SAMTOR: variants seen among roughly 807,000 people sequenced by gnomAD.
The protein encoded by SAMTOR is S-adenosylmethionine sensor upstream of mTORC1.
chr7:112,883,339 T>G, the SAMTOR span, among the ~76,000 whole-genome samples: 6 of 152,342 alleles, frequency 3.9e-5, no homozygotes, highest in Admixed American at 3.9e-4. Context: ...TTCTTTCACC[T>G]GAGAAGCATG....
At chr7:112,920,902 C>T in the SAMTOR span, among the ~76,000 whole-genome samples, 3 of 151,988 alleles carry the variant, frequency 2.0e-5, no homozygotes, top group Non-Finnish European at 4.4e-5. Context: ...ACATGAAGGA[C>T]CTCTTCAAGG....
At chr7:112,865,687 T>TATTTCATACATACATATA in the SAMTOR span, among the ~76,000 whole-genome samples, 2 of 1,040 alleles carry the variant, frequency 1.9e-3, no homozygotes, top group African/African-American at 0.015. Flanking sequence ...TTCATATATA[T>TATTTCATACATACATATA]TTCATATATA....
chr7:112,820,026 C>G, the SAMTOR span: 1 of 152,304 alleles, frequency 6.6e-6, no homozygotes, highest in Non-Finnish European at 1.5e-5. Context: ...AACAGTCAAT[C>G]CTAAATATTA....
At chr7:112,877,042 G>C in the SAMTOR span, among the ~76,000 whole-genome samples, 2 of 152,230 alleles carry the variant, frequency 1.3e-5, no homozygotes, top group South Asian at 4.1e-4. Flanking sequence ...TTGCATTCAT[G>C]GTCCACTGGA....
the SAMTOR span, among the ~76,000 whole-genome samples, chr7:112,833,014 T>G: frequency 6.6e-6 from 1 of 152,212 alleles, no homozygotes; most frequent in East Asian, 1.9e-4. Flanking sequence ...TGAGCTCAAG[T>G]GATCCTCCAG....
chr7:112,904,007 A>T, the SAMTOR span, among the ~76,000 whole-genome samples: 1 of 152,136 alleles, frequency 6.6e-6, no homozygotes, highest in Non-Finnish European at 1.5e-5. Context: ...CATTCAATTC[A>T]CTTCAATTCC....
At chr7:112,921,586 A>C in the SAMTOR span, among the ~76,000 whole-genome samples, 1 of 147,088 alleles carries the variant, frequency 6.8e-6, no homozygotes, top group African/African-American at 2.5e-5. Flanking sequence ...CAAAAGCCAA[A>C]ATTGACAAAT....
At chr7:112,843,849 C>T in the SAMTOR span, among the ~76,000 whole-genome samples, 35 of 152,018 alleles carry the variant, frequency 2.3e-4, no homozygotes, top group South Asian at 1.5e-3. Context: ...AAAGAAATAT[C>T]CTTGATGAAC....
At chr7:112,918,092 G>A in the SAMTOR span, among the ~76,000 whole-genome samples, 1 of 152,136 alleles carries the variant, frequency 6.6e-6, no homozygotes, top group African/African-American at 2.4e-5. Flanking sequence ...AGGAAATACA[G>A]AGAACGCCAC....
the SAMTOR span, among the ~76,000 whole-genome samples, chr7:112,826,385 A>G: frequency 1.3e-5 from 2 of 152,166 alleles, no homozygotes. Flanking sequence ...TTCTTCATGA[A>G]TAAGCTTTGG....
At chr7:112,860,170 T>C in the SAMTOR span, among the ~76,000 whole-genome samples, 1 of 152,318 alleles carries the variant, frequency 6.6e-6, no homozygotes, top group Non-Finnish European at 1.5e-5. Context: ...GTTTGTAGCC[T>C]AGGAGCAAAT....
chr7:112,860,186 T>C, the SAMTOR span, among the ~76,000 whole-genome samples: 1 of 152,214 alleles, frequency 6.6e-6, no homozygotes, highest in Non-Finnish European at 1.5e-5. Context: ...CAAATGACTA[T>C]ACCATATAGC....
chr7:112,824,784 T>G, the SAMTOR span, among the ~76,000 whole-genome samples: 1 of 152,182 alleles, frequency 6.6e-6, no homozygotes, highest in Non-Finnish European at 1.5e-5. Context: ...AAAAATCACG[T>G]ACGTAAGTTT....
the SAMTOR span, among the ~76,000 whole-genome samples, chr7:112,883,776 G>A: frequency 5.3e-5 from 8 of 152,178 alleles, no homozygotes; most frequent in Non-Finnish European, 1.0e-4. Context: ...TTCGCAGAAT[G>A]CATTTTACTT....
the SAMTOR span, among the ~76,000 whole-genome samples, chr7:112,865,323 G>A: frequency 6.6e-6 from 1 of 151,890 alleles, no homozygotes; most frequent in Admixed American, 6.6e-5. Flanking sequence ...CTGTCACCAG[G>A]CTGGAGTGCA....
chr7:112,927,799 A>G, the SAMTOR span, among the ~76,000 whole-genome samples: 1 of 152,088 alleles, frequency 6.6e-6, no homozygotes, highest in African/African-American at 2.4e-5. Context: ...CATGACTTCT[A>G]TTTAGTTATC....
chr7:112,834,039 G>A, the SAMTOR span, among the ~76,000 whole-genome samples: 1 of 152,104 alleles, frequency 6.6e-6, no homozygotes, highest in Non-Finnish European at 1.5e-5. Context: ...AATGTCTACA[G>A]TTTAGTTTTA....
At chr7:112,877,712 G>A in the SAMTOR span, among the ~76,000 whole-genome samples, 1 of 152,136 alleles carries the variant, frequency 6.6e-6, no homozygotes, top group Non-Finnish European at 1.5e-5. Flanking sequence ...GGTAGGAGGT[G>A]TCTAGATCAT....
chr7:112,892,423 C>T, the SAMTOR span, among the ~76,000 whole-genome samples: 2 of 152,088 alleles, frequency 1.3e-5, no homozygotes, highest in African/African-American at 4.8e-5. Context: ...TGCCCAGATC[C>T]ATCAGAGAAA....
Sources: allele counts gnomAD v4.1 joint callset (sites outside exome capture counted in the v4.1 genomes callset), GRCh38; gene constraint gnomAD v4.1.1; transcripts MANE v1.5; gene names NCBI Gene and HGNC (gene_info 2026-07-23, HGNC 2026-07-21).